Variants in TENT4A observed in about 807,000 individuals in gnomAD.
TENT4A encodes the protein terminal nucleotidyltransferase 4A.
Under a neutral mutation model 72.8 loss-of-function variants are expected in TENT4A, and 7 were observed. The ratio of observed to expected loss-of-function variants is 0.10; its 90% confidence interval spans 0.05 to 0.18. The LOEUF (loss-of-function observed/expected upper bound fraction) is 0.18, where lower values mean the gene tolerates loss of function less well. Among genes scored for constraint, TENT4A ranks in the 10% least tolerant of loss-of-function variants. The pLI is 1.00. For synonymous variants in TENT4A, 456 were observed against 434.3 expected, an observed-to-expected ratio of 1.05 and a Z score of -0.62; for missense variants, 831 against 1,017.7, an observed-to-expected ratio of 0.82 and a Z score of 2.50.
chr5:6,714,770 A>T (rs1554005828), intron 1 of TENT4A, 71 bp downstream of exon 1: 38 of 526,124 alleles, frequency 7.2e-5, no homozygotes, highest in Non-Finnish European at 9.7e-5. Context: ...CGGTGCAGAC[A>T]CCCGTCCCAG....
chr5:6,718,222 C>T (rs910041059), intron 1 of TENT4A, among the ~76,000 whole-genome samples: 5 of 152,246 alleles, frequency 3.3e-5, no homozygotes, highest in African/African-American at 9.6e-5. Flanking sequence ...AGCCATGCCC[C>T]GCAAGGCGTC....
At chr5:6,718,738 C>T (rs1181536951) in intron 1 of TENT4A, among the ~76,000 whole-genome samples, 1 of 152,192 alleles carries the variant, frequency 6.6e-6, no homozygotes, top group Non-Finnish European at 1.5e-5. Flanking sequence ...CCAAGCTCCA[C>T]AAGGTGAAAT....
intron 1 of TENT4A, among the ~76,000 whole-genome samples, chr5:6,721,981 G>A (rs933417905): frequency 6.6e-6 from 1 of 152,166 alleles, no homozygotes; most frequent in Admixed American, 6.5e-5. Flanking sequence ...GAATGGCTAG[G>A]ATGTAGTAGT....
intron 1 of TENT4A, among the ~76,000 whole-genome samples, chr5:6,727,481 G>A (rs1041383848): frequency 3.3e-5 from 5 of 152,200 alleles, no homozygotes; most frequent in Admixed American, 2.6e-4. Flanking sequence ...ATGGAGACGG[G>A]TACACTCAGG....
intron 2 of TENT4A, among the ~76,000 whole-genome samples, chr5:6,738,275 A>C (rs1181511937): frequency 1.3e-5 from 2 of 152,094 alleles, no homozygotes; most frequent in African/African-American, 4.8e-5. Flanking sequence ...TTGGTGGGCA[A>C]GGGCAACCCA....
intron 2 of TENT4A, 84 bp downstream of exon 2, chr5:6,737,717 T>A (rs535671695): frequency 6.9e-7 from 1 of 1,451,002 alleles, no homozygotes; most frequent in East Asian, 2.4e-5. Context: ...GTCGGCTAGA[T>A]CCACACAGAC....
intron 6 of TENT4A, among the ~76,000 whole-genome samples, chr5:6,745,274 C>T (rs1224152591): frequency 6.6e-6 from 1 of 152,244 alleles, no homozygotes; most frequent in Non-Finnish European, 1.5e-5. Flanking sequence ...CTTCTGAACC[C>T]TAAAAACATT....
At chr5:6,753,854 C>T (rs1028246430) in intron 12 of TENT4A, among the ~76,000 whole-genome samples, 8 of 152,218 alleles carry the variant, frequency 5.3e-5, no homozygotes, top group Non-Finnish European at 1.0e-4. Flanking sequence ...TATCCATCCC[C>T]GATAGACACA....
intron 1 of TENT4A, among the ~76,000 whole-genome samples, chr5:6,732,859 T>C (rs913641595): frequency 5.9e-5 from 9 of 152,190 alleles, no homozygotes; most frequent in African/African-American, 1.9e-4. Context: ...GCTGGAGCCT[T>C]GCTAATGTCC....
At chr5:6,744,775 T>C (rs889093469) in intron 6 of TENT4A, among the ~76,000 whole-genome samples, 1 of 152,246 alleles carries the variant, frequency 6.6e-6, no homozygotes, top group African/African-American at 2.4e-5. Flanking sequence ...GTGGCCCTTA[T>C]ATATAGCCTT....
chr5:6,727,239 G>A (rs1740977937), intron 1 of TENT4A, among the ~76,000 whole-genome samples: 1 of 152,100 alleles, frequency 6.6e-6, no homozygotes, highest in Admixed American at 6.6e-5. Flanking sequence ...TGCCATGGAT[G>A]TCGCTCACCC....
In TENT4A at chr5:6,755,132, A is replaced by G. The variant is rs1373520831; in HGVS notation, c.*187A>G. The G allele has an allele frequency of 1.2e-5, 6 of 480,880 alleles. No homozygotes were observed. Among genetic ancestry groups the G allele is most frequent in the East Asian group, 9.7e-5 (3 of 31,038 alleles). 29.8% of individuals were successfully genotyped at this position (480,880 alleles called of 1,614,324 possible). A position where few individuals can be genotyped will look rare whatever the true frequency, so the allele number is the denominator to read the frequency against. ...TCTTCAAGAACAGCTCGTTGTGCTC[A>G]TCTGTGAAGCCTTATTAAACGTGGA... On this transcript the variant is annotated 3_prime_UTR_variant, in exon 13 of 13. Transcript: ENST00000230859.
At chr5:6,728,204 G>A (rs1326773599) in intron 1 of TENT4A, among the ~76,000 whole-genome samples, 1 of 152,110 alleles carries the variant, frequency 6.6e-6, no homozygotes, top group Non-Finnish European at 1.5e-5. Context: ...GGGTGACGGC[G>A]GTTTCATCAG....
Position 6,719,980 on chromosome 5 carries a change from C to T in TENT4A, c.716+5281C>T, listed in dbSNP as rs546597692. ...TCAGCTGGCACTCAGGGTCCTCTTA[C>T]CAGCACATTCCTGTTATTGTCAGAA... is the stretch of plus-strand genomic sequence containing the variant. On this transcript the variant is annotated intron_variant, in intron 1 of 12. Transcript: ENST00000230859. Among the ~76,000 whole-genome samples the T allele has an allele frequency of 5.9e-5, 9 of 152,292 alleles. No homozygotes were observed. In the South Asian group the frequency reaches 1.9e-3, roughly 32 times the overall value.
At position 6,748,472 on chromosome 5, in the gene TENT4A, G is replaced by A. The variant is rs1158455106; in HGVS notation, c.1468G>A (p.Val490Ile). 7 of 1,614,002 alleles carry A rather than the reference G, an allele frequency of 4.3e-6. No homozygotes were observed. Among genetic ancestry groups the A allele is most frequent in the South Asian group, 3.3e-5 (3 of 91,086 alleles). Residue 490 changes from valine to isoleucine, a missense_variant, in exon 8 of 13, where the codon GTT becomes ATT. Val to Ile is a conservative substitution (Grantham distance 29). Transcript: ENST00000230859. ...TAGCCTTTTTGCTGCAGGGAATGAC[G>A]TTGGCCGGAGCTCCTATGGCGCCAT... ...IEDPLLPGND[V>I]GRSSYGAMQV...
At chr5:6,746,171 A>G (rs1742084673) in intron 6 of TENT4A, 43 bp from the exon 7 acceptor site, 18 of 1,613,690 alleles carry the variant, frequency 1.1e-5, no homozygotes, top group Admixed American at 6.7e-5. Flanking sequence ...TCTTTAGAAC[A>G]TGCCATGAAT....
intron 5 of TENT4A, 77 bp from the exon 6 acceptor site, chr5:6,743,630 CTGTCT>C: frequency 3.5e-6 from 4 of 1,152,930 alleles, no homozygotes; most frequent in Non-Finnish European, 5.0e-6. Flanking sequence ...ACTTTCCTTT[CTGTCT>C]TGTGTGATTT....
At position 6,713,863 on chromosome 5, in the gene TENT4A, GCCGCCA is replaced by G. The variant is rs1456637699; in HGVS notation, c.-117_-112del. On this transcript the variant is annotated 5_prime_UTR_variant, in exon 1 of 13. Coordinates refer to ENST00000230859, the MANE Select transcript of TENT4A (RefSeq NM_006999.6). The stretch of plus-strand genomic sequence containing the variant: ...CCCGCCCGCCGCCGCCGCCGCCGCC[GCCGCCA>G]CCGGCCCAGGCCCGTCCGTCCGTCC... 2 of 168,780 alleles carry G rather than the reference GCCGCCA, an allele frequency of 1.2e-5. No individual in the cohort carries two copies. Among genetic ancestry groups the G allele is most frequent in the Non-Finnish European group, 2.1e-5 (2 of 93,818 alleles). The allele number at this position is 168,780 out of a possible 1,614,324, so 10.5% of individuals were successfully genotyped here.
intron 1 of TENT4A, among the ~76,000 whole-genome samples, chr5:6,734,960 A>T (rs1741402037): frequency 1.3e-5 from 2 of 152,208 alleles, no homozygotes; most frequent in African/African-American, 4.8e-5. Context: ...TGGAGTGTTG[A>T]GCATCTCTTG....
Sources: allele counts gnomAD v4.1 joint callset (sites outside exome capture counted in the v4.1 genomes callset), GRCh38; gene constraint gnomAD v4.1.1; transcripts MANE v1.5; gene names NCBI Gene and HGNC (gene_info 2026-07-23, HGNC 2026-07-21).